DAB1: variants seen among roughly 807,000 people sequenced by gnomAD.
The protein encoded by DAB1 is disabled homolog 1.
Under a neutral mutation model 64.6 loss-of-function variants are expected in DAB1, and 15 were observed. The ratio of observed to expected loss-of-function variants is 0.23; its 90% CI spans 0.16 to 0.36. The LOEUF (loss-of-function observed/expected upper bound fraction) is 0.36. DAB1 is among the 10% of genes least tolerant of loss of function. The pLI, the probability that DAB1 is intolerant of heterozygous loss-of-function variation, is 1.00. For synonymous variants in DAB1, 235 were observed against 251.9 expected, an observed-to-expected ratio of 0.93 and a Z score of 0.64; for missense variants, 596 against 706.7, an observed-to-expected ratio of 0.84 and a Z score of 1.78.
intron 3 of DAB1, among the ~76,000 whole-genome samples, chr1:58,455,398 C>G (rs1228537611): frequency 6.6e-6 from 1 of 152,230 alleles, no homozygotes; most frequent in Non-Finnish European, 1.5e-5. Flanking sequence ...CAGGCCCACC[C>G]CGCGGACAGG....
chr1:58,501,492 G>A (rs533727522), intron 3 of DAB1, among the ~76,000 whole-genome samples: 2 of 152,244 alleles, frequency 1.3e-5, no homozygotes, highest in African/African-American at 2.4e-5. Flanking sequence ...TTACAGGGGC[G>A]ATAAGGCCCA....
intron 5 of DAB1, among the ~76,000 whole-genome samples, chr1:58,137,444 A>G (rs1654010117): frequency 6.6e-6 from 1 of 152,072 alleles, no homozygotes; most frequent in Non-Finnish European, 1.5e-5. Flanking sequence ...CCATCCATCC[A>G]TTCATCTATC....
intron 9 of DAB1, among the ~76,000 whole-genome samples, chr1:57,035,142 C>G (rs1423176455): frequency 6.6e-6 from 1 of 152,100 alleles, no homozygotes; most frequent in Non-Finnish European, 1.5e-5. Context: ...CTAAGTGATC[C>G]TATCATCTAT....
chr1:57,241,441 C>T (rs918994267), intron 2 of DAB1, among the ~76,000 whole-genome samples: 1 of 152,146 alleles, frequency 6.6e-6, no homozygotes, highest in African/African-American at 2.4e-5. Flanking sequence ...AAATCTAAAG[C>T]CTACCAACCA....
intron 5 of DAB1, among the ~76,000 whole-genome samples, chr1:58,055,902 T>TATTA (rs1184841308): frequency 4.6e-5 from 7 of 151,480 alleles, no homozygotes; most frequent in African/African-American, 1.7e-4. Context: ...TTATTATTAT[T>TATTA]ATTATTTGTA....
chr1:57,891,148 G>A (rs936793575), intron 5 of DAB1, among the ~76,000 whole-genome samples: 1 of 152,066 alleles, frequency 6.6e-6, no homozygotes, highest in Admixed American at 6.6e-5. Flanking sequence ...AATCTACAAA[G>A]AACTCAAATT....
intron 2 of DAB1, among the ~76,000 whole-genome samples, chr1:57,214,735 C>A (rs1666283236): frequency 6.6e-6 from 1 of 151,530 alleles, no homozygotes; most frequent in Admixed American, 6.6e-5. Context: ...ATGGTGAAAC[C>A]CTGTCTTTAC....
intron 4 of DAB1, among the ~76,000 whole-genome samples, chr1:58,333,054 C>T (rs758686597): frequency 1.1e-4 from 16 of 152,264 alleles, no homozygotes; most frequent in Non-Finnish European, 1.0e-4. Flanking sequence ...GGATTACAGG[C>T]GTGTGCCACC....
At chr1:57,514,125 T>C (rs1644437001) in intron 7 of DAB1, among the ~76,000 whole-genome samples, 1 of 152,256 alleles carries the variant, frequency 6.6e-6, no homozygotes, top group Non-Finnish European at 1.5e-5. Context: ...TTGGCTATTG[T>C]GAATACTGCT....
chr1:58,377,320 G>C (rs1644337827), intron 3 of DAB1, among the ~76,000 whole-genome samples: 1 of 141,584 alleles, frequency 7.1e-6, no homozygotes, highest in Admixed American at 7.1e-5. Flanking sequence ...GCTGGTACCG[G>C]TTGTTCCTTT....
intron 5 of DAB1, among the ~76,000 whole-genome samples, chr1:57,945,568 C>T (rs1163369906): frequency 1.3e-5 from 2 of 152,086 alleles, no homozygotes; most frequent in Admixed American, 1.3e-4. Flanking sequence ...GCATGTGCCA[C>T]CACACTTGGC....
intron 4 of DAB1, among the ~76,000 whole-genome samples, chr1:58,260,669 A>G (rs951098507): frequency 2.6e-5 from 4 of 152,136 alleles, no homozygotes; most frequent in Non-Finnish European, 4.4e-5. Flanking sequence ...AAATTTTTCT[A>G]ATGCCTTGTG....
chr1:57,375,724 C>T (rs753904006), intron 1 of DAB1, among the ~76,000 whole-genome samples: 1 of 152,180 alleles, frequency 6.6e-6, no homozygotes. Flanking sequence ...GGGCACACAG[C>T]ACAGTAGCCT....
Position 58,067,327 on chromosome 1 carries a change from G to C in DAB1, n.387+83184C>G, listed in dbSNP as rs111445383. On this transcript the variant is annotated intron_variant and non_coding_transcript_variant, in intron 5 of 20. Transcript: ENST00000485760. ...ATTCGTCTAATGCTGTGGAATGCAAGAGTGAATGAATGAGCTTCTCTGATA... is the reference window on the plus strand; with the variant it reads ...ATTCGTCTAATGCTGTGGAATGCAACAGTGAATGAATGAGCTTCTCTGATA... Among the ~76,000 whole-genome samples, 114 of 152,344 alleles carry C rather than the reference G, an allele frequency of 7.5e-4. 1 individual carries two copies. Among genetic ancestry groups the C allele is most frequent in the African/African-American group, 2.5e-3 (105 of 41,574 alleles).
intron 4 of DAB1, among the ~76,000 whole-genome samples, chr1:58,168,387 C>CGTCT (rs1428395352): frequency 6.6e-6 from 1 of 152,102 alleles, no homozygotes; most frequent in Non-Finnish European, 1.5e-5. Flanking sequence ...GAAACTTGCC[C>CGTCT]GTCTATGCTA....
chr1:58,022,050 T>G (rs554515103), intron 5 of DAB1, among the ~76,000 whole-genome samples: 5 of 152,204 alleles, frequency 3.3e-5, no homozygotes, highest in Non-Finnish European at 7.3e-5. Flanking sequence ...GGCTATTAGC[T>G]GCCCTCTCTG....
At chr1:58,174,266 A>G (rs1046581121) in intron 4 of DAB1, among the ~76,000 whole-genome samples, 33 of 152,284 alleles carry the variant, frequency 2.2e-4, no homozygotes, top group African/African-American at 7.5e-4. Flanking sequence ...GTTGGGCAAC[A>G]TGGTTTCTCC....
chr1:57,862,392 T>C (rs1237443634), intron 1 of DAB1: 2 of 152,200 alleles, frequency 1.3e-5, no homozygotes, highest in African/African-American at 2.4e-5. Flanking sequence ...AGAGCTTTTC[T>C]CATCATTGAA....
chr1:58,202,953 G>A (rs1658079455), intron 4 of DAB1, among the ~76,000 whole-genome samples: 2 of 152,172 alleles, frequency 1.3e-5, no homozygotes, highest in African/African-American at 2.4e-5. Context: ...AAAGAGCACA[G>A]ACAACCTGCT....
Sources: gnomAD v4.1 joint callset for allele counts (sites outside exome capture counted in the v4.1 genomes callset) on GRCh38, gnomAD v4.1.1 for gene constraint, MANE v1.5 for transcripts, NCBI Gene and HGNC (gene_info 2026-07-23, HGNC 2026-07-21) for gene names.